The following VGLL4 variants were observed in gnomAD, a reference collection of about 807,000 sequenced individuals.
VGLL4 encodes the protein transcription cofactor vestigial-like protein 4.
A neutral mutation model predicts 21.0 loss-of-function variants in VGLL4; 7 were observed. The observed-to-expected ratio is 0.33, with a 90% CI of 0.19 to 0.63. The LOEUF is 0.63. Ranked by LOEUF, VGLL4 falls within the 20% of genes least tolerant of loss-of-function variation. The pLI, the probability that VGLL4 is intolerant of heterozygous loss-of-function variation, is 0.78. For synonymous variants in VGLL4, 222 were observed against 173.2 expected (o/e 1.28, Z -2.21); for missense variants, 394 against 425.7 (o/e 0.93, Z 0.66).
At chr3:11,704,134 A>G (rs1235789626) in intron 1 of VGLL4, among the ~76,000 whole-genome samples, 3 of 152,144 alleles carry the variant, frequency 2.0e-5, no homozygotes, top group African/African-American at 7.2e-5. Flanking sequence ...TAATCCCAGC[A>G]CTTTGGGAGG....
At chr3:11,643,398 G>A (rs1329326782) in intron 1 of VGLL4, 39 bp downstream of exon 1, 1 of 1,613,868 alleles carries the variant, frequency 6.2e-7, no homozygotes, top group Non-Finnish European at 8.5e-7. Flanking sequence ...GAGTGGCCGG[G>A]ACGAGCAACG....
chr3:11,691,467 G>C (rs1402830064), intron 2 of VGLL4, among the ~76,000 whole-genome samples: 1 of 152,096 alleles, frequency 6.6e-6, no homozygotes, highest in Non-Finnish European at 1.5e-5. Flanking sequence ...AAAAGCCCCT[G>C]ATCTGTATAG....
chr3:11,628,806 C>T (rs966617807), intron 1 of VGLL4, among the ~76,000 whole-genome samples: 2 of 152,112 alleles, frequency 1.3e-5, no homozygotes, highest in Non-Finnish European at 2.9e-5. Context: ...AGTGACAGAG[C>T]GAGACTCTGT....
intron 2 of VGLL4, among the ~76,000 whole-genome samples, chr3:11,695,416 A>G (rs2076592167): frequency 6.6e-6 from 1 of 152,168 alleles, no homozygotes; most frequent in Admixed American, 6.6e-5. Flanking sequence ...GATACTGGCC[A>G]CTTACTCTCA....
chr3:11,682,497 G>A (rs888066119), intron 2 of VGLL4, among the ~76,000 whole-genome samples: 18 of 151,416 alleles, frequency 1.2e-4, no homozygotes, highest in Admixed American at 3.3e-4. Context: ...AGAATCACTC[G>A]AGCCCAGGAG....
chr3:11,636,234 T>C (rs1043371226), intron 1 of VGLL4, among the ~76,000 whole-genome samples: 3 of 152,200 alleles, frequency 2.0e-5, no homozygotes, highest in Non-Finnish European at 4.4e-5. Context: ...AGCTGGATTA[T>C]GGGTAGTGTA....
chr3:11,694,876 T>C (rs2076582179), intron 2 of VGLL4, among the ~76,000 whole-genome samples: 1 of 152,186 alleles, frequency 6.6e-6, no homozygotes, highest in Non-Finnish European at 1.5e-5. Context: ...CAGATCTTCA[T>C]CTGTTGTGTC....
intron 2 of VGLL4, among the ~76,000 whole-genome samples, chr3:11,677,265 G>C (rs1174817901): frequency 6.6e-6 from 1 of 151,838 alleles, no homozygotes; most frequent in Non-Finnish European, 1.5e-5. Flanking sequence ...TTTTTTAAAA[G>C]AACAGACTGC....
At chr3:11,573,308 GAAGGAAGGAAGAAAGAAAGAAAGA>G (rs2073903766) in intron 2 of VGLL4, among the ~76,000 whole-genome samples, 4 of 23,002 alleles carry the variant, frequency 1.7e-4, no homozygotes, top group Admixed American at 8.0e-4. Context: ...AGAAAGAAAG[GAAGGAAGGAAGAAAGAAAGAAAGA>G]AAGAAAGAAA....
intron 2 of VGLL4, among the ~76,000 whole-genome samples, chr3:11,675,987 T>C (rs1390925637): frequency 1.3e-5 from 2 of 152,232 alleles, no homozygotes; most frequent in Admixed American, 6.5e-5. Flanking sequence ...TCATGTTTTA[T>C]TCTTTACTCT....
In VGLL4 at chr3:11,564,863, C is replaced by G. The variant is rs1332523006; in HGVS notation, c.429G>C (p.Lys143Asn). ...LGLEQPLALTKNSLDASRPAG... is the reference protein window; with the variant it reads ...LGLEQPLALTNNSLDASRPAG... ...CTGGCCTGCTGGCGTCCAGGCTGTT[C>G]TTGGTCAGTGCGAGGGGCTGCTCCA... Residue 143 changes from lysine to asparagine, a missense_variant, in exon 3 of 5, where the codon AAG becomes AAC. Transcript: ENST00000430365. 1 of 1,609,030 alleles carries G rather than the reference C, an allele frequency of 6.2e-7. No individual in the cohort carries two copies. The highest frequency in any genetic ancestry group is 1.3e-5 in the African/African-American group (1 of 74,978).
At chr3:11,669,587 A>G (rs2076174805) in intron 2 of VGLL4, among the ~76,000 whole-genome samples, 2 of 152,226 alleles carry the variant, frequency 1.3e-5, no homozygotes, top group African/African-American at 4.8e-5. Context: ...ATTTTGGTAC[A>G]TTTTATGACT....
At chr3:11,586,760 G>A (rs932260538) in intron 2 of VGLL4, among the ~76,000 whole-genome samples, 2 of 152,146 alleles carry the variant, frequency 1.3e-5, no homozygotes, top group East Asian at 1.9e-4. Flanking sequence ...ATCCAGGGAC[G>A]GCTGTATATG....
intron 2 of VGLL4, among the ~76,000 whole-genome samples, chr3:11,672,708 T>G (rs944993244): frequency 6.6e-6 from 1 of 152,216 alleles, no homozygotes; most frequent in Non-Finnish European, 1.5e-5. Context: ...GGTAACTTGC[T>G]TTACTTCTAC....
intron 3 of VGLL4, among the ~76,000 whole-genome samples, chr3:11,560,044 ACTCT>A (rs1361666934): frequency 6.6e-6 from 1 of 150,808 alleles, no homozygotes; most frequent in Admixed American, 6.6e-5. Context: ...GCACAGCCTC[ACTCT>A]CTCCTTCACC....
At chr3:11,644,208 C>A (rs2075751558), upstream of VGLL4, among the ~76,000 whole-genome samples, 1 of 152,176 alleles carries the variant, frequency 6.6e-6, no homozygotes, top group Non-Finnish European at 1.5e-5. Context: ...ATCATGGAAG[C>A]AAACTCCCAT....
upstream of VGLL4, among the ~76,000 whole-genome samples, chr3:11,647,819 A>G (rs2075814962): frequency 6.6e-6 from 1 of 152,134 alleles, no homozygotes; most frequent in Admixed American, 6.6e-5. Context: ...ATCAGTAAAC[A>G]TCTAAACGGC....
chr3:11,698,121 T>C (rs2076629827), intron 2 of VGLL4, among the ~76,000 whole-genome samples: 1 of 152,206 alleles, frequency 6.6e-6, no homozygotes, highest in African/African-American at 2.4e-5. Context: ...AAATGGAATA[T>C]CATGTTAAAG....
chr3:11,558,842 G>T lies in VGLL4; in HGVS notation c.620-15C>A. On this transcript the variant is annotated splice_polypyrimidine_tract_variant and intron_variant, in intron 4 of 4. Coordinates refer to ENST00000430365, the MANE Select transcript of VGLL4 (RefSeq NM_001128219.3). ...GGTGGTGGCAGCTGCAGGCAAGCAGGAAGGCAGGCAGTCAGACACAGGTGG... is the reference window on the plus strand; with the variant it reads ...GGTGGTGGCAGCTGCAGGCAAGCAGTAAGGCAGGCAGTCAGACACAGGTGG... The T allele has an allele frequency of 1.2e-6, 2 of 1,608,502 alleles. No homozygotes were observed. Among genetic ancestry groups the T allele is most frequent in the South Asian group, 1.1e-5 (1 of 91,000 alleles).
Sources: allele counts gnomAD v4.1 joint callset (sites outside exome capture counted in the v4.1 genomes callset), GRCh38; gene constraint gnomAD v4.1.1; transcripts MANE v1.5; gene names NCBI Gene and HGNC (gene_info 2026-07-23, HGNC 2026-07-21).